Variants in TNIK observed in about 807,000 individuals in gnomAD.
TNIK encodes the protein TRAF2 and NCK-interacting protein kinase.
In TNIK, 49 loss-of-function variants were observed where a neutral mutation model predicts 191.3. The observed-to-expected ratio is 0.26, with a 90% CI of 0.20 to 0.32. The LOEUF (loss-of-function observed/expected upper bound fraction) is 0.32, where lower values mean the gene tolerates loss of function less well. Among genes scored for constraint, TNIK ranks in the 10% least tolerant of loss-of-function variants. The pLI, the probability that TNIK is intolerant of heterozygous loss-of-function variation, is 1.00. For synonymous variants in TNIK, 594 were observed against 600.9 expected (o/e 0.99, Z 0.17); for missense variants, 1,155 against 1,702.3 (o/e 0.68, Z 5.66).
chr3:171,423,783 T>C (rs1406786614), intron 1 of TNIK, among the ~76,000 whole-genome samples: 2 of 152,126 alleles, frequency 1.3e-5, no homozygotes, highest in African/African-American at 4.8e-5. Context: ...TAACCATATG[T>C]AGAAAGCTGA....
intron 2 of TNIK, among the ~76,000 whole-genome samples, chr3:171,276,393 G>C (rs1749752228): frequency 6.6e-6 from 1 of 152,158 alleles, no homozygotes; most frequent in Non-Finnish European, 1.5e-5. Flanking sequence ...CTGTGGAGGA[G>C]GGGCTGGGAA....
intron 3 of TNIK, among the ~76,000 whole-genome samples, chr3:171,214,321 CAA>C (rs1241951389): frequency 1.3e-5 from 2 of 151,752 alleles, no homozygotes; most frequent in Non-Finnish European, 2.9e-5. Flanking sequence ...TCCAAAAATG[CAA>C]AGAGAGCAAG....
At chr3:171,457,952 C>T (rs1370447592) in intron 1 of TNIK, among the ~76,000 whole-genome samples, 1 of 152,206 alleles carries the variant, frequency 6.6e-6, no homozygotes, top group African/African-American at 2.4e-5. Flanking sequence ...TCACCGGTTG[C>T]TCCCCTGCCT....
intron 10 of TNIK, among the ~76,000 whole-genome samples, chr3:171,165,947 G>C (rs1014803890): frequency 6.6e-6 from 1 of 152,172 alleles, no homozygotes; most frequent in African/African-American, 2.4e-5. Flanking sequence ...TCCAGACCAT[G>C]CAAGTTTTTA....
chr3:171,087,314 G>C (rs768135608), intron 24 of TNIK, 28 bp downstream of exon 24: 8 of 1,612,874 alleles, frequency 5.0e-6, no homozygotes, highest in Non-Finnish European at 5.9e-6. Flanking sequence ...CAGCAGAACT[G>C]TCATGTCAGC....
At chr3:171,337,250 C>T (rs114458749) in intron 2 of TNIK, among the ~76,000 whole-genome samples, 174 of 152,284 alleles carry the variant, frequency 1.1e-3, no homozygotes, top group African/African-American at 3.4e-3. Context: ...AACAAAGACA[C>T]GAATACCCCT....
chr3:171,139,653 AGAAG>A (rs1730538463), intron 13 of TNIK, 97 bp from the exon 14 acceptor site: 1 of 1,184,346 alleles, frequency 8.4e-7, no homozygotes, highest in Admixed American at 1.8e-5. Flanking sequence ...AGTAAAGTGT[AGAAG>A]GAAGGAGGGG....
At chr3:171,367,909 C>T (rs1715969642) in intron 2 of TNIK, among the ~76,000 whole-genome samples, 1 of 152,178 alleles carries the variant, frequency 6.6e-6, no homozygotes, top group African/African-American at 2.4e-5. Flanking sequence ...CCATTCTTTG[C>T]AGAATCTCCC....
At chr3:171,064,074 C>T in intron 32 of TNIK, 110 bp from the exon 33 acceptor site, 2 of 976,738 alleles carry the variant, frequency 2.0e-6, no homozygotes, top group Non-Finnish European at 3.1e-6. Flanking sequence ...TGTGTCAGGT[C>T]TTAAGACTCA....
intron 2 of TNIK, among the ~76,000 whole-genome samples, chr3:171,317,271 G>A (rs558086226): frequency 6.6e-6 from 1 of 152,094 alleles, no homozygotes; most frequent in South Asian, 2.1e-4. Flanking sequence ...TAACAATCAA[G>A]GTGGTGCAAG....
chr3:171,104,708 C>CT (rs544084166), intron 21 of TNIK, among the ~76,000 whole-genome samples: 2 of 151,592 alleles, frequency 1.3e-5, no homozygotes, highest in African/African-American at 4.9e-5. Flanking sequence ...AAATTTTTAG[C>CT]TTTTTTTTCT....
intron 2 of TNIK, among the ~76,000 whole-genome samples, chr3:171,294,161 G>A (rs543454561): frequency 1.7e-4 from 26 of 152,170 alleles, no homozygotes; most frequent in Non-Finnish European, 3.2e-4. Flanking sequence ...CCAGGGAGGT[G>A]GAGGTTGCAG....
intron 12 of TNIK, among the ~76,000 whole-genome samples, chr3:171,147,920 G>C (rs1731859658): frequency 6.6e-6 from 1 of 152,106 alleles, no homozygotes; most frequent in South Asian, 2.1e-4. Flanking sequence ...ACTGTCTAAT[G>C]CTTTTTAAAG....
intron 2 of TNIK, among the ~76,000 whole-genome samples, chr3:171,258,157 A>G (rs2109114000): frequency 6.6e-6 from 1 of 152,262 alleles, no homozygotes; most frequent in African/African-American, 2.4e-5. Flanking sequence ...TGGGCAGTAA[A>G]ATATAGCTGT....
At chr3:171,349,711 C>T (rs1712823265) in intron 2 of TNIK, among the ~76,000 whole-genome samples, 1 of 152,158 alleles carries the variant, frequency 6.6e-6, no homozygotes, top group African/African-American at 2.4e-5. Context: ...TCCTGTAATC[C>T]ATTCCATTTC....
At position 171,374,340 on chromosome 3, in the gene TNIK, A is replaced by G. The variant is rs553237463; in HGVS notation, c.58-4655T>C. On this transcript the variant is annotated intron_variant, in intron 1 of 32. Transcript: ENST00000436636. ...TTGTAGTAAACTGTGCCTCACGTGCATTGAGAAGACAGGCTGTCAGAATGT... is the reference window on the plus strand; with the variant it reads ...TTGTAGTAAACTGTGCCTCACGTGCGTTGAGAAGACAGGCTGTCAGAATGT... 4.6e-5 allele frequency among the ~76,000 whole-genome samples: 7 copies of G among 152,332 alleles called. No homozygotes were observed. In the South Asian group the frequency reaches 1.2e-3, roughly 27 times the overall value.
chr3:171,187,726 G>A (rs1193440641), intron 7 of TNIK, among the ~76,000 whole-genome samples: 1 of 152,150 alleles, frequency 6.6e-6, no homozygotes, highest in Non-Finnish European at 1.5e-5. Flanking sequence ...CTAACCCGGT[G>A]AGCACCTGCA....
At chr3:171,447,127 G>A (rs1057416528) in intron 1 of TNIK, among the ~76,000 whole-genome samples, 1 of 152,120 alleles carries the variant, frequency 6.6e-6, no homozygotes, top group Non-Finnish European at 1.5e-5. Context: ...GGAGGCAGAG[G>A]TTGCAGTGAG....
At chr3:171,237,720 G>A (rs1560303873) in intron 2 of TNIK, among the ~76,000 whole-genome samples, 2 of 152,018 alleles carry the variant, frequency 1.3e-5, no homozygotes, top group African/African-American at 4.8e-5. Context: ...CCAGGAACTC[G>A]AGACCAGCCT....
Sources: gnomAD v4.1 joint callset for allele counts (sites outside exome capture counted in the v4.1 genomes callset) on GRCh38, gnomAD v4.1.1 for gene constraint, MANE v1.5 for transcripts, NCBI Gene and HGNC (gene_info 2026-07-23, HGNC 2026-07-21) for gene names.